ARHGEF18: variants seen among roughly 807,000 people sequenced by gnomAD.
ARHGEF18 encodes rho guanine nucleotide exchange factor 18.
In ARHGEF18, 93 loss-of-function variants were observed where a neutral mutation model predicts 155.7. That is an observed-to-expected ratio of 0.60 (90% CI 0.50 to 0.71). The LOEUF is 0.71. Among genes scored for constraint, ARHGEF18 ranks in the 30% least tolerant of loss-of-function variants. The probability of loss-of-function intolerance (pLI) is 0.00; values close to 1 mark genes in which losing one functional copy is unlikely to be tolerated. For synonymous variants in ARHGEF18, 742 were observed against 753.1 expected, an observed-to-expected ratio of 0.99 and a Z score of 0.24; for missense variants, 1,593 against 1,816.1, an observed-to-expected ratio of 0.88 and a Z score of 2.23.
At chr19:7,477,453 G>A, downstream of ARHGEF18, 2 of 1,415,600 alleles carry the variant, frequency 1.4e-6, no homozygotes, top group Non-Finnish European at 1.8e-6. Context: ...GGCAGAGAGG[G>A]GCCGCTTACA....
chr19:7,386,254 C>A lies in ARHGEF18; in HGVS notation c.967+3051C>A, dbSNP rs369857909. The stretch of plus-strand genomic sequence containing the variant: ...TGTTGCAAAAAAAAAAAAAAAAAGA[C>A]AAAGGAAAAACATGAAGTTAGAAAA... On this transcript the variant is annotated intron_variant, in intron 10 of 28. Transcript: ENST00000668164. 3.7e-3 allele frequency among the ~76,000 whole-genome samples: 487 copies of A among 132,772 alleles called. 2 individuals carry two copies. The highest frequency in any genetic ancestry group is 0.013 in the African/African-American group (455 of 36,376). 87.1% of individuals were successfully genotyped at this position (132,772 alleles called of 152,430 possible). A position where few individuals can be genotyped will look rare whatever the true frequency, so the allele number is the denominator to read the frequency against.
At chr19:7,474,764 T>A (rs1977182847), downstream of ARHGEF18, among the ~76,000 whole-genome samples, 1 of 151,404 alleles carries the variant, frequency 6.6e-6, no homozygotes, top group African/African-American at 2.4e-5. Context: ...AGTGTGTGTG[T>A]GTGTGTGTGT....
intron 10 of ARHGEF18, among the ~76,000 whole-genome samples, chr19:7,415,910 A>G (rs868723288): frequency 6.6e-6 from 1 of 152,200 alleles, no homozygotes; most frequent in African/African-American, 2.4e-5. Flanking sequence ...TGTAACCGCA[A>G]CATGAATCCA....
Position 7,467,128 on chromosome 19 carries a change from CG to C in ARHGEF18, c.3009+14del. On this transcript the variant is annotated intron_variant, in intron 25 of 28. Transcript: ENST00000668164. The stretch of plus-strand genomic sequence containing the variant: ...GCTCCTGAACCTTCAGGTACAGGGG[CG>C]GGGTGGGGCCGGCCACGCGTGCCCT... 1.3e-6 allele frequency: 2 copies of C among 1,593,252 alleles called. No homozygotes were observed. The highest frequency in any genetic ancestry group is 1.7e-6 in the Non-Finnish European group (2 of 1,165,900).
intron 10 of ARHGEF18, among the ~76,000 whole-genome samples, chr19:7,401,170 G>C (rs977369533): frequency 6.6e-6 from 1 of 152,186 alleles, no homozygotes; most frequent in African/African-American, 2.4e-5. Context: ...ATCCTTGGGC[G>C]CTGGAGGCAG....
In ARHGEF18 at chr19:7,440,011, C is replaced by T. The variant is rs1291208215; in HGVS notation, c.968-333C>T. On this transcript the variant is annotated intron_variant, in intron 10 of 28. Coordinates refer to ENST00000668164, the MANE Select transcript of ARHGEF18 (RefSeq NM_001367823.1). The surrounding 1 kb of genome is among the most constrained non-coding windows in gnomAD (Gnocchi z 5.4). ...TCAGCCAATACAGCAAGGGAAGACGCAGCTCTGTTTTCTAGAAGGATCCCA... is the reference window on the plus strand; with the variant it reads ...TCAGCCAATACAGCAAGGGAAGACGTAGCTCTGTTTTCTAGAAGGATCCCA... 15 of 1,550,514 alleles carry T rather than the reference C, an allele frequency of 9.7e-6. No individual in the cohort carries two copies. The South Asian group carries it at 1.8e-4, about 18-fold the overall frequency.
Position 7,459,907 on chromosome 19 carries a change from C to T in ARHGEF18, c.2365C>T (p.Pro789Ser), listed in dbSNP as rs771748224. 1.9e-6 allele frequency: 3 copies of T among 1,575,082 alleles called. No homozygotes were observed. The highest frequency in any genetic ancestry group is 8.6e-7 in the Non-Finnish European group (1 of 1,160,166). ...AHIQRAVESCPDEEEGPFSLP... is the reference protein window; with the variant it reads ...AHIQRAVESCSDEEEGPFSLP... The stretch of plus-strand genomic sequence containing the variant: ...ACCCGACTCCTCTCCCTGCAGCTGC[C>T]CTGACGAGGAGGAGGGGCCCTTCAG... The change falls in exon 20 of 29, where the codon CCT becomes TCT. Residue 789 changes from proline (P) to serine (S), a missense_variant. By Grantham distance (74) the Pro-to-Ser change is moderately conservative (BLOSUM62 -1). Transcript: ENST00000668164.
At position 7,467,250 on chromosome 19, in the gene ARHGEF18, C is replaced by G. The variant is rs755168079; in HGVS notation, c.3046C>G (p.Gln1016Glu). 2.5e-6 allele frequency: 4 copies of G among 1,574,412 alleles called. No individual in the cohort carries two copies. The South Asian group carries it at 4.6e-5, about 18-fold the overall frequency. ...IAHQDSYVET[Q>E]RAAIQEREKQ... ...CCACCAGGACAGCTATGTGGAGACG[C>G]AGCGGGCTGCCATCCAGGAGCGGGA... The change falls in exon 26 of 29, where the codon CAG (glutamine) becomes GAG (glutamate). Residue 1016 changes from glutamine (Q) to glutamate (E), a missense_variant. Gln to Glu is a conservative substitution (Grantham distance 29). Coordinates refer to ENST00000668164, the MANE Select transcript of ARHGEF18 (RefSeq NM_001367823.1).
Position 7,462,240 on chromosome 19 carries a change from C to A in ARHGEF18, c.2541C>A (p.Leu847=). 6.2e-7 allele frequency: 1 copy of A among 1,613,886 alleles called. No homozygotes were observed. The highest frequency in any genetic ancestry group is 8.5e-7 in the Non-Finnish European group (1 of 1,180,022). Residue 847 remains leucine (L), a synonymous_variant, in exon 21 of 29, where the codon CTC becomes CTA. Coordinates refer to ENST00000668164, the MANE Select transcript of ARHGEF18 (RefSeq NM_001367823.1). The surrounding 1 kb of genome is among the most constrained non-coding windows in gnomAD (Gnocchi z 4.4). ...TGGAGATGGCCGAGATGGGCGGCCT[C>A]GAAGACCTGCCCCAGCCCCGAGGCC... ...IYLEMAEMGG[L]EDLPQPRGLF... is the part of the protein sequence containing the mutation.
intron 10 of ARHGEF18, among the ~76,000 whole-genome samples, chr19:7,406,814 G>C (rs1002357093): frequency 6.6e-6 from 1 of 151,980 alleles, no homozygotes; most frequent in Non-Finnish European, 1.5e-5. Flanking sequence ...CAGCACTTTG[G>C]GAGGCCGAGG....
chr19:7,441,055 C>T (rs921996342), intron 11 of ARHGEF18, among the ~76,000 whole-genome samples: 4 of 151,982 alleles, frequency 2.6e-5, no homozygotes, highest in Non-Finnish European at 4.4e-5. Context: ...AAGTGGGCTC[C>T]AGTGGTCTGT....
chr19:7,443,516 T>G (rs1974802153), intron 13 of ARHGEF18, among the ~76,000 whole-genome samples: 1 of 152,130 alleles, frequency 6.6e-6, no homozygotes, highest in Admixed American at 6.6e-5. Context: ...GTCCTTTTCC[T>G]AAGGGCACCA....
chr19:7,432,931 G>A (rs1280593622), intron 10 of ARHGEF18, among the ~76,000 whole-genome samples: 2 of 152,212 alleles, frequency 1.3e-5, no homozygotes, highest in East Asian at 1.9e-4. Context: ...AAGTCGAAGC[G>A]GGAGGATCAC....
chr19:7,383,280 G>A lies in ARHGEF18; in HGVS notation c.967+77G>A, dbSNP rs1019907761. 5 of 1,228,252 alleles carry A rather than the reference G, an allele frequency of 4.1e-6. No homozygotes were observed. The African/African-American group carries it at 4.7e-5, about 11-fold the overall frequency. 76.1% of individuals were successfully genotyped at this position (1,228,252 alleles called of 1,614,324 possible). A position where few individuals can be genotyped will look rare whatever the true frequency, so the allele number is the denominator to read the frequency against. Reference sequence around the variant, plus strand: ...TTCACGTCCTTTCAATCATACTCCTGGGGTCTCTTTTGATGTGTGCATCCT... The same window carrying A: ...TTCACGTCCTTTCAATCATACTCCTAGGGTCTCTTTTGATGTGTGCATCCT... On this transcript the variant is annotated intron_variant, in intron 10 of 28. Coordinates refer to ENST00000668164, the MANE Select transcript of ARHGEF18 (RefSeq NM_001367823.1).
rs3840915 is a variant in ARHGEF18 at position 7,395,162 on chromosome 19, T to TG, written c.967+11966dup. 42 of 985,804 alleles carry TG rather than the reference T, an allele frequency of 4.3e-5. No individual in the cohort carries two copies. The East Asian group carries it at 2.0e-3, about 48-fold the overall frequency. 61.1% of individuals were successfully genotyped at this position (985,804 alleles called of 1,614,324 possible). ...TCCCAGCTGCTAGCTACTGTGGATC[T>TG]GGGGGGGCCGGACGGAGGCATCGGA... On this transcript the variant is annotated intron_variant, in intron 10 of 28. Coordinates refer to ENST00000668164, the MANE Select transcript of ARHGEF18 (RefSeq NM_001367823.1). This position sits in a 1 kb window ranked among gnomAD's most constrained non-coding sequence, Gnocchi z 5.0.
At chr19:7,436,279 G>T in intron 10 of ARHGEF18, among the ~76,000 whole-genome samples, 1 of 138,242 alleles carries the variant, frequency 7.2e-6, no homozygotes, top group African/African-American at 2.7e-5. Flanking sequence ...TTGGTTTTTT[G>T]GTTTTAGTTT....
chr19:7,352,333 A>T (rs1390936960), intron 1 of ARHGEF18, among the ~76,000 whole-genome samples: 1 of 151,510 alleles, frequency 6.6e-6, no homozygotes. Context: ...GTAGTCTTTT[A>T]GGGGTGGCAA....
chr19:7,434,209 G>C (rs369881944), intron 10 of ARHGEF18, among the ~76,000 whole-genome samples: 1 of 151,732 alleles, frequency 6.6e-6, no homozygotes. Context: ...GGCTGGTCTC[G>C]AACACCTAGC....
chr19:7,397,593 C>T (rs1483545672), intron 10 of ARHGEF18, among the ~76,000 whole-genome samples: 1 of 152,016 alleles, frequency 6.6e-6, no homozygotes, highest in Non-Finnish European at 1.5e-5. Flanking sequence ...ATTAGCTGGG[C>T]ATGATGGCGT....
Sources: gnomAD v4.1 joint callset for allele counts (sites outside exome capture counted in the v4.1 genomes callset) on GRCh38, gnomAD v4.1.1 for gene constraint, Gnocchi (gnomAD v3.1) non-coding constraint, MANE v1.5 for transcripts, NCBI Gene and HGNC (gene_info 2026-07-23, HGNC 2026-07-21) for gene names.